Variants in KSR2 observed in about 807,000 individuals in gnomAD.
The protein encoded by KSR2 is kinase suppressor of ras 2.
KSR2 carries 25 observed loss-of-function variants against 107.8 expected under a neutral mutation model. The ratio of observed to expected loss-of-function variants is 0.23; its 90% confidence interval spans 0.17 to 0.32. The LOEUF (loss-of-function observed/expected upper bound fraction) is 0.32, where lower values mean the gene tolerates loss of function less well. Ranked by LOEUF, KSR2 falls within the 10% of genes least tolerant of loss-of-function variation. KSR2 has a pLI of 1.00. For missense variants in KSR2, 887 were observed against 1,268.9 expected, an observed-to-expected ratio of 0.70 and a Z score of 4.57; for synonymous variants, 480 against 507.0, an observed-to-expected ratio of 0.95 and a Z score of 0.71.
intron 3 of KSR2, among the ~76,000 whole-genome samples, chr12:117,847,023 C>T (rs1892730319): frequency 6.6e-6 from 1 of 152,222 alleles, no homozygotes; most frequent in African/African-American, 2.4e-5. Flanking sequence ...CGCTCGTAAG[C>T]GAGAGTCCTA....
At chr12:117,652,454 C>T (rs922124336) in intron 5 of KSR2, among the ~76,000 whole-genome samples, 4 of 152,088 alleles carry the variant, frequency 2.6e-5, no homozygotes, top group African/African-American at 9.7e-5. Context: ...TGGAAAATTT[C>T]TAGGTAGGAT....
At chr12:117,655,482 G>A (rs577004540) in intron 5 of KSR2, among the ~76,000 whole-genome samples, 10 of 152,178 alleles carry the variant, frequency 6.6e-5, no homozygotes, top group South Asian at 2.1e-4. Context: ...GCTCTGAATC[G>A]GCATCCAATA....
chr12:117,925,706 A>G (rs911075943), intron 1 of KSR2, among the ~76,000 whole-genome samples: 2 of 152,180 alleles, frequency 1.3e-5, no homozygotes, highest in African/African-American at 4.8e-5. Context: ...AGGTAGGTCT[A>G]GTATGGTCTA....
At chr12:117,533,194 G>A (rs1327850548) in intron 10 of KSR2, among the ~76,000 whole-genome samples, 2 of 152,172 alleles carry the variant, frequency 1.3e-5, no homozygotes, top group Non-Finnish European at 2.9e-5. Context: ...ATGATTTATA[G>A]CCACGAGACA....
chr12:117,737,757 T>C (rs992926638), intron 4 of KSR2, among the ~76,000 whole-genome samples: 2 of 125,756 alleles, frequency 1.6e-5, no homozygotes, highest in Non-Finnish European at 3.1e-5. Flanking sequence ...CACTCCAGCC[T>C]GGGTGAGAGA....
At chr12:117,646,012 C>T (rs1883618539) in intron 5 of KSR2, among the ~76,000 whole-genome samples, 1 of 151,762 alleles carries the variant, frequency 6.6e-6, no homozygotes, top group Non-Finnish European at 1.5e-5. Flanking sequence ...ATGGCATAGT[C>T]TTCATATATT....
intron 5 of KSR2, among the ~76,000 whole-genome samples, chr12:117,656,211 TTTA>T (rs1449820750): frequency 1.1e-4 from 16 of 152,250 alleles, no homozygotes; most frequent in Non-Finnish European, 1.3e-4. Flanking sequence ...TTCCTTTTCC[TTTA>T]TCATGTGACA....
chr12:117,634,346 C>A (rs1213277471), intron 5 of KSR2, among the ~76,000 whole-genome samples: 1 of 152,128 alleles, frequency 6.6e-6, no homozygotes, highest in Non-Finnish European at 1.5e-5. Flanking sequence ...ATATGCAAGA[C>A]GGAACTTCCA....
chr12:117,490,665 G>A (rs1296185817), intron 14 of KSR2, among the ~76,000 whole-genome samples: 1 of 152,034 alleles, frequency 6.6e-6, no homozygotes, highest in Admixed American at 6.6e-5. Context: ...CAAAGTGCTG[G>A]GATTACAGAC....
chr12:117,593,865 A>T (rs1409940766), intron 5 of KSR2, among the ~76,000 whole-genome samples: 1 of 152,254 alleles, frequency 6.6e-6, no homozygotes, highest in Admixed American at 6.5e-5. Flanking sequence ...GAAAGAAGCC[A>T]TGACTGTAGA....
At chr12:117,653,608 C>T (rs780496528) in intron 5 of KSR2, among the ~76,000 whole-genome samples, 6 of 152,206 alleles carry the variant, frequency 3.9e-5, no homozygotes, top group Non-Finnish European at 8.8e-5. Flanking sequence ...ATAAATCCAA[C>T]TAAAATCAGG....
intron 14 of KSR2, among the ~76,000 whole-genome samples, chr12:117,518,793 CT>C (rs1355713490): frequency 6.6e-6 from 1 of 152,232 alleles, no homozygotes; most frequent in African/African-American, 2.4e-5. Context: ...CCTGCAGTAC[CT>C]CTACCTGAAC....
rs577838546 is a variant in KSR2, at chr12:117,938,919, A to G, written c.180+29157T>C. On this transcript the variant is annotated intron_variant, in intron 1 of 19. Transcript: ENST00000339824. ...CATCTTGTTAAGAGTGGACTGGACT[A>G]TTTATGCATTTTAAATGAACAAAAA... 8.6e-4 allele frequency among the ~76,000 whole-genome samples: 131 copies of G among 152,222 alleles called. 1 individual carries two copies. Among genetic ancestry groups the G allele is most frequent in the African/African-American group, 3.1e-3 (127 of 41,536 alleles).
intron 19 of KSR2, among the ~76,000 whole-genome samples, chr12:117,468,554 G>A (rs1312499868): frequency 2.0e-5 from 3 of 152,192 alleles, no homozygotes; most frequent in Non-Finnish European, 2.9e-5. Context: ...CACAGCCCCC[G>A]GGGACATCTG....
intron 3 of KSR2, among the ~76,000 whole-genome samples, chr12:117,776,943 T>C (rs997087321): frequency 5.3e-5 from 8 of 151,900 alleles, no homozygotes; most frequent in African/African-American, 1.9e-4. Flanking sequence ...AAATACTGAA[T>C]TGGCAAATGC....
intron 16 of KSR2, among the ~76,000 whole-genome samples, chr12:117,476,967 AC>A (rs5801233): frequency 0.14 from 21,158 of 152,016 alleles, 1,694 homozygotes; most frequent in African/African-American, 0.22. Flanking sequence ...ACATGCACAC[AC>A]CCCCTCACAT....
At chr12:117,687,844 G>A (rs1809963605) in intron 4 of KSR2, among the ~76,000 whole-genome samples, 2 of 152,084 alleles carry the variant, frequency 1.3e-5, no homozygotes, top group Non-Finnish European at 2.9e-5. Context: ...CAATCTAGTA[G>A]TGGTCCCTCC....
At chr12:117,640,516 T>G (rs1447882544) in intron 5 of KSR2, among the ~76,000 whole-genome samples, 1 of 152,198 alleles carries the variant, frequency 6.6e-6, no homozygotes, top group Non-Finnish European at 1.5e-5. Context: ...CTCCCAAAAG[T>G]GCTGGGATTA....
At chr12:117,584,671 C>A (rs1457080357) in intron 5 of KSR2, among the ~76,000 whole-genome samples, 4 of 152,214 alleles carry the variant, frequency 2.6e-5, no homozygotes, top group African/African-American at 9.7e-5. Context: ...CCATCACCAC[C>A]TCAAAGCATC....
Sources: gnomAD v4.1 joint callset for allele counts (sites outside exome capture counted in the v4.1 genomes callset) on GRCh38, gnomAD v4.1.1 for gene constraint, MANE v1.5 for transcripts, NCBI Gene and HGNC (gene_info 2026-07-23, HGNC 2026-07-21) for gene names.